The following MRC1 variants were observed in gnomAD, a reference collection of about 807,000 sequenced individuals.
MRC1 encodes the protein mannose receptor C-type 1.
Under a neutral mutation model 102.9 loss-of-function variants are expected in MRC1, and 62 were observed. The observed-to-expected ratio is 0.60, with a 90% CI of 0.49 to 0.74. The LOEUF (loss-of-function observed/expected upper bound fraction) is 0.74, where lower values mean the gene tolerates loss of function less well. Ranked by LOEUF, MRC1 falls within the 30% of genes least tolerant of loss-of-function variation. The pLI is 0.00. For synonymous variants in MRC1, 457 were observed against 298.4 expected (o/e 1.53, Z -5.48); for missense variants, 1,237 against 862.8 (o/e 1.43, Z -5.43).
intron 8 of MRC1, chr10:17,854,654 G>T: frequency 5.7e-6 from 1 of 175,782 alleles, no homozygotes; most frequent in Non-Finnish European, 1.2e-5. Context: ...TAGGATATGA[G>T]GAGTTAAAGA....
Position 17,870,374 on chromosome 10 carries a change from G to GT in MRC1, c.2111+2dup. The GT allele has an allele frequency of 1.3e-6, 1 of 780,262 alleles. No individual in the cohort carries two copies. The highest frequency in any genetic ancestry group is 2.4e-6 in the Non-Finnish European group (1 of 417,602). The allele number at this position is 780,262 out of a possible 1,614,324, so 48.3% of individuals were successfully genotyped here. A position where few individuals can be genotyped will look rare whatever the true frequency, so the allele number is the denominator to read the frequency against. On this transcript the variant is annotated splice_donor_variant, in intron 13 of 29. Transcript: ENST00000569591. LOFTEE classifies it high-confidence loss of function. The stretch of plus-strand genomic sequence containing the variant: ...AGCAAACAATATGGCGATTAATAAC[G>GT]TAAGTGGTATTTTTATGGATTCCTC...
At chr10:17,857,203 A>C (rs1833105294) in intron 9 of MRC1, among the ~76,000 whole-genome samples, 1 of 152,204 alleles carries the variant, frequency 6.6e-6, no homozygotes, top group Non-Finnish European at 1.5e-5. Flanking sequence ...GGGTGATTTC[A>C]CAGTTCCTCT....
chr10:17,834,594 A>C (rs1354510290), intron 4 of MRC1, among the ~76,000 whole-genome samples: 2 of 152,026 alleles, frequency 1.3e-5, no homozygotes, highest in Non-Finnish European at 2.9e-5. Context: ...TTGTATTTTT[A>C]GTAGAGACGG....
At chr10:17,876,442 T>C (rs1255883332) in intron 17 of MRC1, among the ~76,000 whole-genome samples, 1 of 152,050 alleles carries the variant, frequency 6.6e-6, no homozygotes, top group African/African-American at 2.4e-5. Context: ...GAGACAGGGT[T>C]TCACCATGTT....
At chr10:17,831,044 A>G (rs1838563296) in intron 3 of MRC1, among the ~76,000 whole-genome samples, 1 of 135,232 alleles carries the variant, frequency 7.4e-6, no homozygotes, top group Non-Finnish European at 1.5e-5. Flanking sequence ...GCGTGCCACC[A>G]TACCTGGGTA....
intron 1 of MRC1, among the ~76,000 whole-genome samples, chr10:17,815,582 C>T (rs925260342): frequency 1.5e-4 from 23 of 152,028 alleles, no homozygotes; most frequent in Admixed American, 3.9e-4. Flanking sequence ...CGAATGGCCC[C>T]GGGAAGGTGT....
At chr10:17,906,773 T>G (rs2130724861) in intron 26 of MRC1, 113 bp from the exon 27 acceptor site, 1 of 766,986 alleles carries the variant, frequency 1.3e-6, no homozygotes, top group Admixed American at 1.8e-5. Flanking sequence ...TTCTTCCCCT[T>G]AAGTGGAGAT....
At chr10:17,814,970 C>T (rs1838288567) in intron 1 of MRC1, among the ~76,000 whole-genome samples, 1 of 151,922 alleles carries the variant, frequency 6.6e-6, no homozygotes, top group South Asian at 2.1e-4. Flanking sequence ...CTGGCCGGTC[C>T]CTCTTTCTGC....
intron 21 of MRC1, among the ~76,000 whole-genome samples, chr10:17,883,638 A>G (rs1037932798): frequency 6.6e-5 from 10 of 152,158 alleles, no homozygotes; most frequent in Non-Finnish European, 1.2e-4. Flanking sequence ...GCAGATTTTT[A>G]TTTTGCATTT....
At chr10:17,839,297 T>A (rs1415801357) in intron 4 of MRC1, among the ~76,000 whole-genome samples, 1 of 152,220 alleles carries the variant, frequency 6.6e-6, no homozygotes, top group African/African-American at 2.4e-5. Flanking sequence ...CAGTTCTTCT[T>A]TAATCAGCGA....
At chr10:17,895,271 G>T (rs1833739080) in intron 23 of MRC1, among the ~76,000 whole-genome samples, 1 of 151,350 alleles carries the variant, frequency 6.6e-6, no homozygotes, top group East Asian at 1.9e-4. Context: ...TCATTTCCTT[G>T]CATAGCAACA....
chr10:17,822,628 C>A (rs1838413207), intron 1 of MRC1, among the ~76,000 whole-genome samples: 1 of 152,188 alleles, frequency 6.6e-6, no homozygotes, highest in African/African-American at 2.4e-5. Context: ...CCTTTAAAAA[C>A]AACAAACAAA....
intron 3 of MRC1, among the ~76,000 whole-genome samples, chr10:17,830,157 G>A (rs948480791): frequency 6.0e-5 from 9 of 150,864 alleles, no homozygotes; most frequent in African/African-American, 2.2e-4. Context: ...TTTGAGACAG[G>A]GTCTCACTCT....
chr10:17,869,413 G>T (rs899489170), intron 12 of MRC1, among the ~76,000 whole-genome samples: 131 of 152,242 alleles, frequency 8.6e-4, no homozygotes, highest in African/African-American at 3.1e-3. Flanking sequence ...GACAACTTGG[G>T]CAACCATAGT....
chr10:17,811,085 G>A (rs61844012), intron 1 of MRC1, among the ~76,000 whole-genome samples: 3 of 152,196 alleles, frequency 2.0e-5, no homozygotes, highest in Non-Finnish European at 4.4e-5. Context: ...GAGCCACAGC[G>A]CCCAGCCCTG....
At chr10:17,811,490 GAGA>G (rs1322405590) in intron 1 of MRC1, among the ~76,000 whole-genome samples, 1 of 151,844 alleles carries the variant, frequency 6.6e-6, no homozygotes, top group Non-Finnish European at 1.5e-5. Context: ...TGTTTACTTG[GAGA>G]ATAAACAAAC....
intron 29 of MRC1, 34 bp downstream of exon 29, chr10:17,909,381 A>G: frequency 1.2e-6 from 1 of 849,374 alleles, no homozygotes; most frequent in South Asian, 1.3e-5. Context: ...GTTCTGTGTT[A>G]GTAATACATC....
chr10:17,812,645 C>G (rs1406581675), intron 1 of MRC1, among the ~76,000 whole-genome samples: 3 of 145,964 alleles, frequency 2.1e-5, no homozygotes, highest in Non-Finnish European at 4.5e-5. Context: ...GATCTTGGCT[C>G]ACTGCAACCT....
rs1838551211 is a variant in MRC1, at chr10:17,830,360, G to A, written c.637+2645G>A. 2.0e-5 allele frequency among the ~76,000 whole-genome samples: 3 copies of A among 151,386 alleles called. 1 individual carries two copies. The highest frequency in any genetic ancestry group is 4.9e-5 in the African/African-American group (2 of 40,698). On this transcript the variant is annotated intron_variant, in intron 3 of 29. Transcript: ENST00000569591. ...TTGCCCAGGCTGGTCTCGAACTCCT[G>A]ACCTCAAATGATCCACCCACCTCGG...
Sources: gnomAD v4.1 joint callset for allele counts (sites outside exome capture counted in the v4.1 genomes callset) on GRCh38, gnomAD v4.1.1 for gene constraint, MANE v1.5 for transcripts, NCBI Gene and HGNC (gene_info 2026-07-23, HGNC 2026-07-21) for gene names.